The following FAT4 variants were observed in gnomAD, a reference collection of about 807,000 sequenced individuals.
FAT4 encodes protocadherin Fat 4.
A neutral mutation model predicts 303.9 loss-of-function variants in FAT4; 84 were observed. The ratio of observed to expected loss-of-function variants is 0.28; its 90% CI spans 0.23 to 0.33. The LOEUF (loss-of-function observed/expected upper bound fraction) is 0.33. FAT4 is among the 10% of genes least tolerant of loss of function. The probability of loss-of-function intolerance (pLI) is 1.00; values close to 1 mark genes in which losing one functional copy is unlikely to be tolerated. For synonymous variants in FAT4, 2,307 were observed against 2,298.8 expected (o/e 1.00, Z -0.10); for missense variants, 6,005 against 6,146.8 (o/e 0.98, Z 0.77).
chr4:125,391,695 G>A (rs1275787064), intron 2 of FAT4, among the ~76,000 whole-genome samples: 1 of 152,104 alleles, frequency 6.6e-6, no homozygotes, highest in Admixed American at 6.6e-5. Flanking sequence ...ATTATTATGA[G>A]TAGTTACTGA....
intron 8 of FAT4, among the ~76,000 whole-genome samples, chr4:125,437,701 A>G (rs1725507982): frequency 1.3e-5 from 2 of 152,320 alleles, no homozygotes; most frequent in South Asian, 4.1e-4. Context: ...AAGCATAGAA[A>G]TAATAAAAAT....
chr4:125,379,917 G>A (rs1253752308), intron 2 of FAT4, among the ~76,000 whole-genome samples: 1 of 151,896 alleles, frequency 6.6e-6, no homozygotes, highest in Non-Finnish European at 1.5e-5. Context: ...TTTTGAGATG[G>A]AGTTTTGCTC....
intron 5 of FAT4, among the ~76,000 whole-genome samples, chr4:125,412,576 A>G (rs1266640445): frequency 6.6e-6 from 1 of 151,794 alleles, no homozygotes; most frequent in Non-Finnish European, 1.5e-5. Flanking sequence ...TGCCTTTATA[A>G]AAGAGGCTGT....
intron 8 of FAT4, among the ~76,000 whole-genome samples, chr4:125,438,540 T>A (rs761849956): frequency 9.9e-5 from 15 of 152,152 alleles, no homozygotes; most frequent in Non-Finnish European, 2.1e-4. Context: ...AAAAACCCCA[T>A]CAGTGAAAAT....
chr4:125,439,176 A>G (rs2126048027), intron 8 of FAT4, among the ~76,000 whole-genome samples: 1 of 152,186 alleles, frequency 6.6e-6, no homozygotes, highest in Non-Finnish European at 1.5e-5. Context: ...CCTTCCACAT[A>G]TCTATTCCAG....
At chr4:125,428,129 C>T (rs2126038773) in intron 7 of FAT4, among the ~76,000 whole-genome samples, 1 of 152,078 alleles carries the variant, frequency 6.6e-6, no homozygotes, top group East Asian at 2.0e-4. Flanking sequence ...GAAACCCCGT[C>T]TCTACTAAAA....
chr4:125,358,551 A>G (rs1228139577), intron 2 of FAT4, among the ~76,000 whole-genome samples: 1 of 152,008 alleles, frequency 6.6e-6, no homozygotes, highest in African/African-American at 2.4e-5. Flanking sequence ...GCACTTCACA[A>G]TAGGGTTTGT....
chr4:125,335,942 T>C (rs1262598311), intron 2 of FAT4, among the ~76,000 whole-genome samples: 1 of 152,106 alleles, frequency 6.6e-6, no homozygotes, highest in Non-Finnish European at 1.5e-5. Flanking sequence ...AAAGACTGTT[T>C]GATTTACTTT....
Position 125,319,169 on chromosome 4 carries a change from C to G in FAT4, c.2758C>G (p.Pro920Ala). Residue 920 changes from proline (P) to alanine (A), a missense_variant, in exon 2 of 18, where the codon CCT (proline) becomes GCT (alanine). Coordinates refer to ENST00000394329, the MANE Select transcript of FAT4 (RefSeq NM_001291303.3). Reference sequence around the variant, plus strand: ...CATTTTCCAGGCCAAAGCTGTGGACCCTGATGAAGGTGTCAATGGCATGGT... The same window carrying G: ...CATTTTCCAGGCCAAAGCTGTGGACGCTGATGAAGGTGTCAATGGCATGGT... ...HSIFQAKAVD[P>A]DEGVNGMVLY... The G allele has an allele frequency of 6.2e-7, 1 of 1,613,956 alleles. No individual in the cohort carries two copies. The highest frequency in any genetic ancestry group is 1.3e-5 in the African/African-American group (1 of 74,958).
At chr4:125,338,835 T>G (rs1040530492) in intron 2 of FAT4, among the ~76,000 whole-genome samples, 15 of 152,204 alleles carry the variant, frequency 9.9e-5, no homozygotes, top group Admixed American at 8.5e-4. Flanking sequence ...TCAGGCAAAT[T>G]ATACCCACCT....
chr4:125,415,559 A>G lies in FAT4; in HGVS notation c.6596A>G (p.Asn2199Ser). 3 of 1,614,080 alleles carry G rather than the reference A, an allele frequency of 1.9e-6. No individual in the cohort carries two copies. The highest frequency in any genetic ancestry group is 1.7e-6 in the Non-Finnish European group (2 of 1,179,970). Residue 2199 changes from asparagine (N) to serine (S), a missense_variant, in exon 6 of 18, where the codon AAT becomes AGT. Physicochemically the swap from Asn to Ser is conservative, Grantham distance 46. Transcript: ENST00000394329. Reference protein sequence around the residue: ...VRYGIVNGNTNQEFRIDSVTG... With the variant: ...VRYGIVNGNTSQEFRIDSVTG... ...TATGGCATTGTTAATGGTAATACCA[A>G]TCAGGAATTTCGGATAGACTCTGTC...
rs1206894867 is a variant in FAT4 at position 125,490,418 on chromosome 4, G to A, written c.13602G>A (p.Lys4534=). 3 of 1,614,152 alleles carry A rather than the reference G, an allele frequency of 1.9e-6. No individual in the cohort carries two copies. The highest frequency in any genetic ancestry group is 2.5e-6 in the Non-Finnish European group (3 of 1,180,042). ...SLILCNQCRG[K]KAKNPKEEKK... ...TCCTGTGTAACCAGTGCAGGGGGAA[G>A]AAGGCCAAAAATCCCAAAGAGGAGA... Residue 4534 remains lysine, a synonymous_variant, in exon 18 of 18, where the codon AAG becomes AAA. Coordinates refer to ENST00000394329, the MANE Select transcript of FAT4 (RefSeq NM_001291303.3).
intron 3 of FAT4, among the ~76,000 whole-genome samples, chr4:125,400,884 C>T (rs1370906717): frequency 1.3e-5 from 2 of 151,824 alleles, no homozygotes; most frequent in Admixed American, 1.3e-4. Flanking sequence ...TTGGAATGAA[C>T]AAGAGAATTG....
In FAT4 at chr4:125,468,694, C is replaced by T. The variant is rs770333726; in HGVS notation, c.12088C>T (p.Leu4030Phe). 1.9e-6 allele frequency: 3 copies of T among 1,614,076 alleles called. No individual in the cohort carries two copies. Among genetic ancestry groups the T allele is most frequent in the Non-Finnish European group, 1.7e-6 (2 of 1,180,010 alleles). The change falls in exon 12 of 18, where the codon CTT becomes TTT. Residue 4030 changes from leucine (L) to phenylalanine (F), a missense_variant. By Grantham distance (22) the Leu-to-Phe change is conservative (BLOSUM62 0). Transcript: ENST00000394329. ...QTGDRAEFLA[L>F]EIAEERLRFS... ...AGGCGACCGGGCTGAGTTTTTGGCC[C>T]TTGAAATTGCCGAAGAAAGACTAAG...
At chr4:125,427,581 C>A (rs1214547106) in intron 7 of FAT4, among the ~76,000 whole-genome samples, 2 of 150,984 alleles carry the variant, frequency 1.3e-5, no homozygotes, top group Non-Finnish European at 3.0e-5. Context: ...TTTTTGTATT[C>A]AAATTTTAAT....
intron 2 of FAT4, among the ~76,000 whole-genome samples, chr4:125,396,260 G>C (rs1305588562): frequency 3.3e-5 from 5 of 151,906 alleles, no homozygotes; most frequent in African/African-American, 1.2e-4. Flanking sequence ...GTTTTTATAT[G>C]TATATATGTG....
At chr4:125,349,744 C>T (rs557545336) in intron 2 of FAT4, among the ~76,000 whole-genome samples, 70 of 151,730 alleles carry the variant, frequency 4.6e-4, no homozygotes, top group African/African-American at 1.4e-3. Flanking sequence ...TTCGTATCAT[C>T]ACATAAGCTA....
At chr4:125,432,964 C>G (rs1311940515) in intron 7 of FAT4, among the ~76,000 whole-genome samples, 1 of 152,078 alleles carries the variant, frequency 6.6e-6, no homozygotes, top group African/African-American at 2.4e-5. Flanking sequence ...ACAAAAATAA[C>G]AGATCTCCAA....
At chr4:125,432,893 T>C (rs1414010607) in intron 7 of FAT4, among the ~76,000 whole-genome samples, 1 of 152,162 alleles carries the variant, frequency 6.6e-6, no homozygotes, top group Admixed American at 6.6e-5. Flanking sequence ...GGAGGTATCA[T>C]GCTTCTTTAT....
Sources: allele counts gnomAD v4.1 joint callset (sites outside exome capture counted in the v4.1 genomes callset), GRCh38; gene constraint gnomAD v4.1.1; transcripts MANE v1.5; gene names NCBI Gene and HGNC (gene_info 2026-07-23, HGNC 2026-07-21).